The following SYT16 variants were observed in gnomAD, a reference collection of about 807,000 sequenced individuals.
SYT16 encodes the protein synaptotagmin-16.
A neutral mutation model predicts 61.4 loss-of-function variants in SYT16; 42 were observed. The ratio of observed to expected loss-of-function variants is 0.68; its 90% CI spans 0.53 to 0.89. The LOEUF (loss-of-function observed/expected upper bound fraction) is 0.89. SYT16 is among the 40% of genes least tolerant of loss of function. The pLI, the probability that SYT16 is intolerant of heterozygous loss-of-function variation, is 0.00. For missense variants in SYT16, 804 were observed against 807.3 expected, an observed-to-expected ratio of 1.00 and a Z score of 0.05; for synonymous variants, 314 against 302.3, an observed-to-expected ratio of 1.04 and a Z score of -0.40.
chr14:62,091,555 G>A (rs1395323282), intron 7 of SYT16, among the ~76,000 whole-genome samples: 1 of 152,166 alleles, frequency 6.6e-6, no homozygotes, highest in Non-Finnish European at 1.5e-5. Flanking sequence ...GAATGGGATA[G>A]TGACTCCAAA....
At chr14:62,051,516 C>A (rs1444929335) in intron 3 of SYT16, among the ~76,000 whole-genome samples, 4 of 152,198 alleles carry the variant, frequency 2.6e-5, no homozygotes, top group Non-Finnish European at 5.9e-5. Flanking sequence ...GAGATGAACC[C>A]AGTACCTCAG....
At chr14:61,938,695 A>C (rs771512324) in intron 1 of SYT16, among the ~76,000 whole-genome samples, 3 of 152,120 alleles carry the variant, frequency 2.0e-5, no homozygotes, top group Non-Finnish European at 4.4e-5. Flanking sequence ...AGAAACCATT[A>C]ACACCAGCTA....
At chr14:61,958,564 T>C (rs2050977641) in intron 1 of SYT16, among the ~76,000 whole-genome samples, 1 of 152,084 alleles carries the variant, frequency 6.6e-6, no homozygotes, top group South Asian at 2.1e-4. Flanking sequence ...TATTTGTGAA[T>C]TTCCCATTTT....
chr14:62,023,088 C>G lies in SYT16; in HGVS notation c.523+26546C>G, dbSNP rs866897372. Among the ~76,000 whole-genome samples, 15 of 152,040 alleles carry G rather than the reference C, an allele frequency of 9.9e-5. 1 individual carries two copies. Among genetic ancestry groups the G allele is most frequent in the South Asian group, 6.2e-4 (3 of 4,808 alleles). ...ATTTGGTACTGTTTTTTCAGTAAGC[C>G]CAGTAATTTGTGACTTACTGCCAAA... is the stretch of plus-strand genomic sequence containing the variant. On this transcript the variant is annotated intron_variant, in intron 3 of 7. Coordinates refer to ENST00000683842, the MANE Select transcript of SYT16 (RefSeq NM_001367656.1).
intron 2 of SYT16, among the ~76,000 whole-genome samples, chr14:61,994,884 G>A (rs966704826): frequency 5.9e-5 from 9 of 152,194 alleles, no homozygotes; most frequent in African/African-American, 9.6e-5. Flanking sequence ...ATCACATGCA[G>A]TGGCTGAGGT....
chr14:62,052,819 G>A (rs113050768), intron 3 of SYT16, among the ~76,000 whole-genome samples: 1 of 152,254 alleles, frequency 6.6e-6, no homozygotes, highest in Non-Finnish European at 1.5e-5. Context: ...CTAGAAGAGG[G>A]CCCTCACCAG....
At chr14:61,893,457 G>C (rs958567306) in intron 1 of SYT16, among the ~76,000 whole-genome samples, 2 of 152,184 alleles carry the variant, frequency 1.3e-5, no homozygotes, top group African/African-American at 4.8e-5. Flanking sequence ...TTAAGTTTCA[G>C]CTTCCCCATT....
chr14:61,890,900 T>A (rs184482605), intron 1 of SYT16, among the ~76,000 whole-genome samples: 1 of 152,256 alleles, frequency 6.6e-6, no homozygotes. Context: ...TTCCCAGATG[T>A]CATACATATT....
At chr14:62,046,611 A>G (rs1446568301) in intron 3 of SYT16, among the ~76,000 whole-genome samples, 2 of 152,194 alleles carry the variant, frequency 1.3e-5, no homozygotes, top group Non-Finnish European at 2.9e-5. Flanking sequence ...TCTTTAATCA[A>G]TCTTGAATTA....
intron 1 of SYT16, among the ~76,000 whole-genome samples, chr14:61,962,396 C>T (rs1037959688): frequency 2.0e-5 from 3 of 152,028 alleles, no homozygotes; most frequent in African/African-American, 7.2e-5. Flanking sequence ...TCTGTTTGGG[C>T]GTCTCTTGAA....
At chr14:61,833,843 G>A (rs1219564456) in intron 1 of SYT16, among the ~76,000 whole-genome samples, 1 of 151,240 alleles carries the variant, frequency 6.6e-6, no homozygotes, top group Non-Finnish European at 1.5e-5. Context: ...GTTCTTTAAG[G>A]TGCAGGGCTT....
chr14:62,055,831 G>A (rs1181141572), intron 3 of SYT16, among the ~76,000 whole-genome samples: 1 of 152,154 alleles, frequency 6.6e-6, no homozygotes, highest in Admixed American at 6.5e-5. Context: ...GTAAAGTTCT[G>A]CAATAGGCTA....
At chr14:61,932,064 T>A (rs1175559839) in intron 1 of SYT16, among the ~76,000 whole-genome samples, 2 of 152,170 alleles carry the variant, frequency 1.3e-5, no homozygotes, top group Non-Finnish European at 2.9e-5. Context: ...CAGAGGACAA[T>A]TTTACTTTGG....
chr14:62,068,419 C>T (rs1301932241), intron 3 of SYT16, among the ~76,000 whole-genome samples: 1 of 151,954 alleles, frequency 6.6e-6, no homozygotes, highest in African/African-American at 2.4e-5. Flanking sequence ...TACCAAGGGG[C>T]AGGGGGCAGG....
At chr14:62,043,977 C>G (rs369293531) in intron 3 of SYT16, among the ~76,000 whole-genome samples, 1 of 152,112 alleles carries the variant, frequency 6.6e-6, no homozygotes, top group Non-Finnish European at 1.5e-5. Flanking sequence ...CTGGCCTATG[C>G]TATAGGCTCT....
Position 62,102,114 on chromosome 14 carries a change from T to C in SYT16, c.*1407T>C, listed in dbSNP as rs2057431304. The C allele has an allele frequency of 6.6e-6, 1 of 152,214 alleles. No individual in the cohort carries two copies. Among genetic ancestry groups the C allele is most frequent in the Admixed American group, 6.5e-5 (1 of 15,288 alleles). 9.4% of individuals were successfully genotyped at this position (152,214 alleles called of 1,614,324 possible). A position where few individuals can be genotyped will look rare whatever the true frequency, so the allele number is the denominator to read the frequency against. On this transcript the variant is annotated 3_prime_UTR_variant, in exon 8 of 8. Transcript: ENST00000683842. ...ACCTATTTTTAGTTTCTATGTTTCA[T>C]TGTGGACTTTTTCCTGTCTGTGGGA...
chr14:61,932,049 G>A (rs1013210808), intron 1 of SYT16, among the ~76,000 whole-genome samples: 1 of 152,186 alleles, frequency 6.6e-6, no homozygotes, highest in African/African-American at 2.4e-5. Context: ...GACATCAAAG[G>A]TGACCAGAGG....
At chr14:61,820,082 C>G (rs1054394013) in intron 1 of SYT16, among the ~76,000 whole-genome samples, 3 of 152,174 alleles carry the variant, frequency 2.0e-5, no homozygotes, top group Non-Finnish European at 4.4e-5. Flanking sequence ...AAATTAAGAA[C>G]AAATGATCTG....
chr14:62,040,082 A>T (rs1162539196), intron 3 of SYT16, among the ~76,000 whole-genome samples: 1 of 151,906 alleles, frequency 6.6e-6, no homozygotes, highest in Non-Finnish European at 1.5e-5. Flanking sequence ...ATTTCCCCAG[A>T]TGATGGCAGA....
Sources: gnomAD v4.1 joint callset for allele counts (sites outside exome capture counted in the v4.1 genomes callset) on GRCh38, gnomAD v4.1.1 for gene constraint, MANE v1.5 for transcripts, NCBI Gene and HGNC (gene_info 2026-07-23, HGNC 2026-07-21) for gene names.